Variants in EPHX4 observed in about 807,000 individuals in gnomAD.
EPHX4 encodes epoxide hydrolase 4.
A neutral mutation model predicts 44.9 loss-of-function variants in EPHX4; 31 were observed. That is an observed-to-expected ratio of 0.69 (90% CI 0.52 to 0.93). The LOEUF is 0.93. Ranked by LOEUF, EPHX4 falls within the 40% of genes least tolerant of loss-of-function variation. The pLI is 0.00. For missense variants in EPHX4, 373 were observed against 438.1 expected (o/e 0.85, Z 1.33); for synonymous variants, 151 against 159.7 (o/e 0.95, Z 0.41).
intron 4 of EPHX4, among the ~76,000 whole-genome samples, chr1:92,047,144 G>T (rs191988436): frequency 5.3e-5 from 8 of 152,284 alleles, no homozygotes; most frequent in Admixed American, 2.6e-4. Flanking sequence ...GACATGATAG[G>T]CTCACTTTGT....
At chr1:92,046,129 A>G (rs1688578157) in intron 4 of EPHX4, among the ~76,000 whole-genome samples, 2 of 152,204 alleles carry the variant, frequency 1.3e-5, no homozygotes, top group African/African-American at 4.8e-5. Context: ...TATTCACTGT[A>G]TTGGAAATTA....
At chr1:92,043,048 C>T (rs1557883146) in intron 3 of EPHX4, 68 bp downstream of exon 3, 6 of 1,296,930 alleles carry the variant, frequency 4.6e-6, no homozygotes, top group African/African-American at 1.5e-5. Flanking sequence ...GAATCAATGA[C>T]TTCTTTTCTT....
chr1:92,042,406 T>G (rs1043947050), intron 2 of EPHX4, among the ~76,000 whole-genome samples: 25 of 151,422 alleles, frequency 1.7e-4, no homozygotes, highest in African/African-American at 6.1e-4. Context: ...AAATAAGGAA[T>G]TTCTTACAGT....
chr1:92,043,157 G>A, intron 3 of EPHX4, 177 bp downstream of exon 3: 1 of 504,174 alleles, frequency 2.0e-6, no homozygotes, highest in East Asian at 3.4e-5. Context: ...TTAAAATGAT[G>A]CATCTAGAGC....
At chr1:92,032,633 C>A in intron 2 of EPHX4, 43 bp downstream of exon 2, 1 of 1,506,760 alleles carries the variant, frequency 6.6e-7, no homozygotes, top group Non-Finnish European at 9.2e-7. Context: ...TAAAACTTGG[C>A]TTATTTTCTC....
chr1:92,062,118 C>T (rs1647510105), intron 6 of EPHX4, among the ~76,000 whole-genome samples: 1 of 152,110 alleles, frequency 6.6e-6, no homozygotes, highest in Non-Finnish European at 1.5e-5. Flanking sequence ...AATATAGTAT[C>T]ATGTAATATT....
At chr1:92,045,225 A>G (rs1464612138) in intron 3 of EPHX4, among the ~76,000 whole-genome samples, 1 of 151,554 alleles carries the variant, frequency 6.6e-6, no homozygotes, top group Non-Finnish European at 1.5e-5. Flanking sequence ...GCCTCAAGCA[A>G]TCCTCCTGCT....
chr1:92,049,435 A>G (rs1476834826), intron 4 of EPHX4, among the ~76,000 whole-genome samples: 2 of 152,284 alleles, frequency 1.3e-5, no homozygotes, highest in South Asian at 4.1e-4. Context: ...TGCTCTCTAA[A>G]GTGATCTTGT....
rs1447267343 is a variant in EPHX4, at chr1:92,063,429, GA to G, written c.*150del. ...AATAAATATCCTGACAAATGGTATT[GA>G]AAAAAATCTGAGATCATGTGAACAT... On this transcript the variant is annotated 3_prime_UTR_variant, in exon 7 of 7. Coordinates refer to ENST00000370383, the MANE Select transcript of EPHX4 (RefSeq NM_173567.5). 8 of 632,984 alleles carry G rather than the reference GA, an allele frequency of 1.3e-5. No homozygotes were observed. The highest frequency in any genetic ancestry group is 1.8e-5 in the Non-Finnish European group (7 of 387,114). 39.2% of individuals were successfully genotyped at this position (632,984 alleles called of 1,614,324 possible).
chr1:92,062,249 C>G (rs561845487), intron 6 of EPHX4, among the ~76,000 whole-genome samples: 1 of 152,030 alleles, frequency 6.6e-6, no homozygotes, highest in African/African-American at 2.4e-5. Context: ...GTTTAAATCT[C>G]TCTTTCATTA....
At chr1:92,046,671 T>C (rs979863977) in intron 4 of EPHX4, among the ~76,000 whole-genome samples, 2 of 151,990 alleles carry the variant, frequency 1.3e-5, no homozygotes, top group Non-Finnish European at 2.9e-5. Context: ...GCCGTGCTGG[T>C]CAGGCTGGTC....
intron 6 of EPHX4, among the ~76,000 whole-genome samples, chr1:92,060,162 A>C (rs1402835160): frequency 6.6e-6 from 1 of 152,072 alleles, no homozygotes; most frequent in Non-Finnish European, 1.5e-5. Flanking sequence ...TAATCCTAGC[A>C]CTTTGGGAGG....
chr1:92,038,631 C>A (rs1214217074), intron 2 of EPHX4, among the ~76,000 whole-genome samples: 2 of 152,020 alleles, frequency 1.3e-5, no homozygotes, highest in Non-Finnish European at 2.9e-5. Context: ...GCCCACGCAC[C>A]CCAGCTGTAA....
At chr1:92,030,586 C>G (rs2101863979) in intron 1 of EPHX4, among the ~76,000 whole-genome samples, 1 of 151,994 alleles carries the variant, frequency 6.6e-6, no homozygotes, top group Non-Finnish European at 1.5e-5. Context: ...TCAGGGGCCT[C>G]TTATATTACT....
intron 6 of EPHX4, among the ~76,000 whole-genome samples, chr1:92,056,016 A>G (rs1269879472): frequency 6.6e-6 from 1 of 152,122 alleles, no homozygotes; most frequent in Admixed American, 6.5e-5. Context: ...AGAGGGAGAA[A>G]GAGAATGAGA....
At chr1:92,056,298 C>T (rs539819431) in intron 6 of EPHX4, among the ~76,000 whole-genome samples, 1 of 152,116 alleles carries the variant, frequency 6.6e-6, no homozygotes, top group Non-Finnish European at 1.5e-5. Flanking sequence ...TACCCTAAGC[C>T]TCCTTGGGAC....
At chr1:92,058,259 T>C (rs1198155855) in intron 6 of EPHX4, among the ~76,000 whole-genome samples, 3 of 152,056 alleles carry the variant, frequency 2.0e-5, no homozygotes, top group African/African-American at 4.8e-5. Context: ...CTGACCAACA[T>C]GGAGAAACCT....
intron 3 of EPHX4, among the ~76,000 whole-genome samples, chr1:92,044,895 G>A (rs1324512026): frequency 6.6e-6 from 1 of 152,038 alleles, no homozygotes; most frequent in African/African-American, 2.4e-5. Flanking sequence ...AGGTCCATGG[G>A]ACCAGAGCTG....
chr1:92,062,930 C>T, intron 6 of EPHX4, 125 bp from the exon 7 acceptor site: 1 of 779,684 alleles, frequency 1.3e-6, no homozygotes, highest in Non-Finnish European at 2.1e-6. Context: ...CCCAAGAACA[C>T]AATTTTCACC....
Sources: allele counts gnomAD v4.1 joint callset (sites outside exome capture counted in the v4.1 genomes callset), GRCh38; gene constraint gnomAD v4.1.1; transcripts MANE v1.5; gene names NCBI Gene and HGNC (gene_info 2026-07-23, HGNC 2026-07-21).